Variants in SLC17A7 observed in about 807,000 individuals in gnomAD.
SLC17A7 encodes the protein vesicular glutamate transporter 1.
A neutral mutation model predicts 59.1 loss-of-function variants in SLC17A7; 15 were observed. That is an observed-to-expected ratio of 0.25 (90% CI 0.17 to 0.39). The LOEUF (loss-of-function observed/expected upper bound fraction) is 0.39. SLC17A7 is among the 10% of genes least tolerant of loss of function. The pLI is 1.00. For missense variants in SLC17A7, 499 were observed against 765.1 expected, an observed-to-expected ratio of 0.65 and a Z score of 4.10; for synonymous variants, 353 against 308.9, an observed-to-expected ratio of 1.14 and a Z score of -1.50.
rs760388319 is a variant in SLC17A7, at chr19:49,434,753, C to G, written c.549+15G>C. 1 of 1,614,136 alleles carries G rather than the reference C, an allele frequency of 6.2e-7. No individual in the cohort carries two copies. The highest frequency in any genetic ancestry group is 8.5e-7 in the Non-Finnish European group (1 of 1,179,986). On this transcript the variant is annotated intron_variant, in intron 4 of 11. Coordinates refer to ENST00000221485, the MANE Select transcript of SLC17A7 (RefSeq NM_020309.4). ...GGTCCGAGCGAGGGCAGGGTCATAT[C>G]AGGCGGGGATTTACCTCTACCAACC...
At chr19:49,435,105 A>C in intron 3 of SLC17A7, 63 bp downstream of exon 3, 1 of 1,294,554 alleles carries the variant, frequency 7.7e-7, no homozygotes. Context: ...ATTCAAGACC[A>C]CGCCCTCTAA....
chr19:49,431,568 GC>G lies in SLC17A7; in HGVS notation c.1151-121del. 2.6e-6 allele frequency: 2 copies of G among 771,960 alleles called. No individual in the cohort carries two copies. The highest frequency in any genetic ancestry group is 4.2e-6 in the Non-Finnish European group (2 of 474,818). The allele number at this position is 771,960 out of a possible 1,614,324, so 47.8% of individuals were successfully genotyped here. ...AACCGCGTCTATCCACCCCAGTCTGGCCACCTCCACGCCCAGGCCTCTTCGC... is the reference window on the plus strand; with the variant it reads ...AACCGCGTCTATCCACCCCAGTCTGGCACCTCCACGCCCAGGCCTCTTCGC... On this transcript the variant is annotated intron_variant, in intron 9 of 11. Transcript: ENST00000221485. This position sits in a 1 kb window ranked among gnomAD's most constrained non-coding sequence, Gnocchi z 4.6.
In SLC17A7 at chr19:49,431,452, CGGGGGCGGG is replaced by C. The variant is rs1568633644; in HGVS notation, c.1151-13_1151-5del. 1 of 1,610,416 alleles carries C rather than the reference CGGGGGCGGG, an allele frequency of 6.2e-7. No individual in the cohort carries two copies. Among genetic ancestry groups the C allele is most frequent in the South Asian group, 1.1e-5 (1 of 90,702 alleles). On this transcript the variant is annotated splice_region_variant and splice_polypyrimidine_tract_variant and intron_variant, in intron 9 of 11. Coordinates refer to ENST00000221485, the MANE Select transcript of SLC17A7 (RefSeq NM_020309.4). This position sits in a 1 kb window ranked among gnomAD's most constrained non-coding sequence, Gnocchi z 4.6. Reference sequence around the variant, plus strand: ...AGCGTGGCTTCCATGCCGAAGCCTACGGGGGCGGGGGGGGCCCGCGTCTCCTGAGTGTCG... The same window carrying C: ...AGCGTGGCTTCCATGCCGAAGCCTACGGGGGCCCGCGTCTCCTGAGTGTCG...
chr19:49,435,260 C>T lies in SLC17A7; in HGVS notation c.342G>A (p.Glu114=). Reference sequence around the variant, plus strand: ...AGGAGCCGTGTATGAGGCCGACAGTCTCTGGATCCCAGCTGAACTGGGCTT... The same window carrying T: ...AGGAGCCGTGTATGAGGCCGACAGTTTCTGGATCCCAGCTGAACTGGGCTT... ...VQKAQFSWDP[E]TVGLIHGSFF... The change falls in exon 3 of 12, where the codon GAG becomes GAA. Residue 114 remains glutamate, a synonymous_variant. Coordinates refer to ENST00000221485, the MANE Select transcript of SLC17A7 (RefSeq NM_020309.4). 6.2e-7 allele frequency: 1 copy of T among 1,614,090 alleles called. No individual in the cohort carries two copies. The highest frequency in any genetic ancestry group is 8.5e-7 in the Non-Finnish European group (1 of 1,179,992).
Position 49,429,849 on chromosome 19 carries a change from A to G in SLC17A7, c.*670T>C, listed in dbSNP as rs181893021. 148 of 329,560 alleles carry G rather than the reference A, an allele frequency of 4.5e-4. No homozygotes were observed. The highest frequency in any genetic ancestry group is 2.8e-3 in the African/African-American group (132 of 47,448). The allele number at this position is 329,560 out of a possible 1,614,324, so 20.4% of individuals were successfully genotyped here. A position where few individuals can be genotyped will look rare whatever the true frequency, so the allele number is the denominator to read the frequency against. On this transcript the variant is annotated 3_prime_UTR_variant, in exon 12 of 12. Coordinates refer to ENST00000221485, the MANE Select transcript of SLC17A7 (RefSeq NM_020309.4). ...AGAGAGGCATATTGTTAAAATTGCGATTTTGGTTGTTTCCCCAGACATTAT... is the reference window on the plus strand; with the variant it reads ...AGAGAGGCATATTGTTAAAATTGCGGTTTTGGTTGTTTCCCCAGACATTAT...
At position 49,441,299 on chromosome 19, in the gene SLC17A7, G is replaced by A. The variant is rs2078998812; in HGVS notation, c.62+19C>T. 1 of 1,607,666 alleles carries A rather than the reference G, an allele frequency of 6.2e-7. No individual in the cohort carries two copies. The highest frequency in any genetic ancestry group is 8.5e-7 in the Non-Finnish European group (1 of 1,178,262). On this transcript the variant is annotated intron_variant, in intron 1 of 11. Transcript: ENST00000221485. ...CTCAGATCCTCCCACTCTTCTCCCGGGACCCCCGCCAGGCTCACCGGTGCA... is the reference window on the plus strand; with the variant it reads ...CTCAGATCCTCCCACTCTTCTCCCGAGACCCCCGCCAGGCTCACCGGTGCA...
In SLC17A7 at chr19:49,433,382, C is replaced by A; in HGVS notation, c.867+344G>T. On this transcript the variant is annotated intron_variant, in intron 7 of 11. Coordinates refer to ENST00000221485, the MANE Select transcript of SLC17A7 (RefSeq NM_020309.4). The surrounding 1 kb of genome is among the most constrained non-coding windows in gnomAD (Gnocchi z 5.7). ...GTGTTGGGATTGCAGGCGGAAGCCA[C>A]TGAGCCTGCCCTAGGAGTCTCTTTT... 1 of 451,846 alleles carries A rather than the reference C, an allele frequency of 2.2e-6. No homozygotes were observed. The highest frequency in any genetic ancestry group is 2.1e-5 in the South Asian group (1 of 47,556). The allele number at this position is 451,846 out of a possible 1,614,324, so 28.0% of individuals were successfully genotyped here.
chr19:49,438,844 G>A (rs1213478612), intron 1 of SLC17A7, among the ~76,000 whole-genome samples: 1 of 152,148 alleles, frequency 6.6e-6, no homozygotes, highest in Non-Finnish European at 1.5e-5. Flanking sequence ...TTGTTAATAT[G>A]AGGAGATGTC....
chr19:49,432,414 G>C (rs1396905498), intron 9 of SLC17A7, 105 bp downstream of exon 9: 4 of 1,433,126 alleles, frequency 2.8e-6, no homozygotes, highest in Non-Finnish European at 3.8e-6. Flanking sequence ...GGACTCCTGG[G>C]GCAGGCTGGA....
intron 1 of SLC17A7, 97 bp downstream of exon 1, chr19:49,441,221 G>T: frequency 6.5e-7 from 1 of 1,535,792 alleles, no homozygotes; most frequent in East Asian, 2.5e-5. Context: ...CCCCATGCCG[G>T]GGTATCGCCC....
Position 49,434,064 on chromosome 19 carries a change from G to A in SLC17A7, c.638-18C>T. ...ATAGGAACCTAAGGGGGAGGATGCGGGGGAGAGAACAGGCCCATCTTCCCT... is the reference window on the plus strand; with the variant it reads ...ATAGGAACCTAAGGGGGAGGATGCGAGGGAGAGAACAGGCCCATCTTCCCT... On this transcript the variant is annotated intron_variant, in intron 5 of 11. Coordinates refer to ENST00000221485, the MANE Select transcript of SLC17A7 (RefSeq NM_020309.4). 1 of 1,567,170 alleles carries A rather than the reference G, an allele frequency of 6.4e-7. No individual in the cohort carries two copies. Among genetic ancestry groups the A allele is most frequent in the Non-Finnish European group, 8.8e-7 (1 of 1,137,870 alleles).
rs747821278 is a variant in SLC17A7, at chr19:49,430,695, TCTC to T, written c.1504_1506del (p.Glu502del). ...ACGAAGCCACACTTCTCCTCGCTCA[TCTC>T]CTCAGGCTCTGCCCACGGCTGCTTC... On this transcript the variant is annotated inframe_deletion, in exon 12 of 12. Transcript: ENST00000221485. The T allele has an allele frequency of 9.9e-6, 16 of 1,613,998 alleles. No homozygotes were observed. Among genetic ancestry groups the T allele is most frequent in the Admixed American group, 3.3e-5 (2 of 60,006 alleles).
In SLC17A7 at chr19:49,433,496, G is replaced by T. The variant is rs887729866; in HGVS notation, c.867+230C>A. 28 of 685,500 alleles carry T rather than the reference G, an allele frequency of 4.1e-5. No homozygotes were observed. Among genetic ancestry groups the T allele is most frequent in the Non-Finnish European group, 7.2e-5 (27 of 376,554 alleles). The allele number at this position is 685,500 out of a possible 1,614,324, so 42.5% of individuals were successfully genotyped here. ...TCCCTTCTCTGCTGGCTTTAACTAT[G>T]CCCTGTCAGTGGTTCTAATCCTGCT... On this transcript the variant is annotated intron_variant, in intron 7 of 11. Transcript: ENST00000221485. The surrounding 1 kb of genome is among the most constrained non-coding windows in gnomAD (Gnocchi z 5.7).
chr19:49,431,471 C>A lies in SLC17A7; in HGVS notation c.1151-23G>T, dbSNP rs1046210088. The A allele has an allele frequency of 5.0e-6, 8 of 1,602,704 alleles. No individual in the cohort carries two copies. In the Admixed American group the frequency reaches 1.3e-4, roughly 27 times the overall value. ...AGCCTACGGGGGCGGGGGGGGCCCG[C>A]GTCTCCTGAGTGTCGGCCGGAGCAA... On this transcript the variant is annotated intron_variant, in intron 9 of 11. Transcript: ENST00000221485. This position sits in a 1 kb window ranked among gnomAD's most constrained non-coding sequence, Gnocchi z 4.6.
intron 3 of SLC17A7, 119 bp downstream of exon 3, chr19:49,435,049 C>T: frequency 2.9e-6 from 3 of 1,019,880 alleles, no homozygotes; most frequent in Middle Eastern, 2.4e-4. Flanking sequence ...CTCTAAGACC[C>T]ACCCCCAAAT....
At chr19:49,441,234 T>C in intron 1 of SLC17A7, 84 bp downstream of exon 1, 1 of 1,551,250 alleles carries the variant, frequency 6.4e-7, no homozygotes. Flanking sequence ...TATCGCCCGT[T>C]CATCTGTCAG....
At position 49,436,660 on chromosome 19, in the gene SLC17A7, C is replaced by T. The variant is rs1271433598; in HGVS notation, c.204G>A (p.Met68Ile). The T allele has an allele frequency of 6.2e-7, 1 of 1,613,940 alleles. No individual in the cohort carries two copies. Among genetic ancestry groups the T allele is most frequent in the Non-Finnish European group, 8.5e-7 (1 of 1,180,010 alleles). ...GLPRRYIIAI[M>I]SGLGFCISFG... is the part of the protein sequence containing the mutation. ...AGCTGATGCAGAAGCCCAGACCACT[C>T]ATGATGGCGATAATGTAGCGGCGAG... Residue 68 changes from methionine to isoleucine, a missense_variant, in exon 2 of 12, where the codon ATG becomes ATA. By Grantham distance (10) the Met-to-Ile change is conservative. This residue lies in a region of SLC17A7 where 323 missense variants were observed against 607.2 expected (regional missense o/e 0.53). Transcript: ENST00000221485. The surrounding 1 kb of genome is among the most constrained non-coding windows in gnomAD (Gnocchi z 4.1).
rs758635580 is a variant in SLC17A7, at chr19:49,429,974, C to A, written c.*545G>T. 5.6e-6 allele frequency: 1 copy of A among 177,914 alleles called. No homozygotes were observed. Among genetic ancestry groups the A allele is most frequent in the African/African-American group, 2.3e-5 (1 of 42,638 alleles). 11.0% of individuals were successfully genotyped at this position (177,914 alleles called of 1,614,324 possible). A position where few individuals can be genotyped will look rare whatever the true frequency, so the allele number is the denominator to read the frequency against. On this transcript the variant is annotated 3_prime_UTR_variant, in exon 12 of 12. Coordinates refer to ENST00000221485, the MANE Select transcript of SLC17A7 (RefSeq NM_020309.4). ...GGGCACGGAATCGGGGACTTGAAAC[C>A]GCCATTTTCCATCAGAAACGCTGGT... is the stretch of plus-strand genomic sequence containing the variant.
Position 49,434,012 on chromosome 19 carries a change from G to T in SLC17A7, c.672C>A (p.Leu224=). Residue 224 remains leucine, a synonymous_variant, in exon 6 of 12, where the codon CTC becomes CTA. Coordinates refer to ENST00000221485, the MANE Select transcript of SLC17A7 (RefSeq NM_020309.4). ...CTGAGTACTGCACAAGGACCCCGGC[G>T]AGGGGCATCGCGACCACCGCCCCAG... ...SYAGAVVAMP[L]AGVLVQYSGW... 1 of 1,613,388 alleles carries T rather than the reference G, an allele frequency of 6.2e-7. No homozygotes were observed. The highest frequency in any genetic ancestry group is 8.5e-7 in the Non-Finnish European group (1 of 1,179,858).
Sources: gnomAD v4.1 joint callset for allele counts (sites outside exome capture counted in the v4.1 genomes callset) on GRCh38, gnomAD v4.1.1 for gene constraint, gnomAD v4.1.1 regional missense constraint, Gnocchi (gnomAD v3.1) non-coding constraint, MANE v1.5 for transcripts, NCBI Gene and HGNC (gene_info 2026-07-23, HGNC 2026-07-21) for gene names.